Variants in ZSWIM5 observed in about 807,000 individuals in gnomAD.
ZSWIM5 encodes zinc finger SWIM domain-containing protein 5.
A neutral mutation model predicts 119.6 loss-of-function variants in ZSWIM5; 55 were observed. The observed-to-expected ratio is 0.46, with a 90% CI of 0.37 to 0.58. The LOEUF (loss-of-function observed/expected upper bound fraction) is 0.58, where lower values mean the gene tolerates loss of function less well. Among genes scored for constraint, ZSWIM5 ranks in the 20% least tolerant of loss-of-function variants. The probability of loss-of-function intolerance (pLI) is 0.00; values close to 1 mark genes in which losing one functional copy is unlikely to be tolerated. For synonymous variants in ZSWIM5, 537 were observed against 606.9 expected (o/e 0.88, Z 1.69); for missense variants, 1,193 against 1,512.8 (o/e 0.79, Z 3.51).
At chr1:45,020,541 C>G (rs896997561) in intron 12 of ZSWIM5, 84 bp downstream of exon 12, 209 of 1,495,676 alleles carry the variant, frequency 1.4e-4, no homozygotes, top group Non-Finnish European at 1.7e-4. Context: ...TTGGCCTATG[C>G]CCAGTCTCCC....
intron 1 of ZSWIM5, among the ~76,000 whole-genome samples, chr1:45,117,597 G>A (rs1312300673): frequency 6.6e-6 from 1 of 152,168 alleles, no homozygotes; most frequent in African/African-American, 2.4e-5. Flanking sequence ...GCTTGAGCCT[G>A]GGAGATTGAG....
intron 1 of ZSWIM5, among the ~76,000 whole-genome samples, chr1:45,147,024 T>C (rs1645765909): frequency 6.6e-6 from 1 of 152,106 alleles, no homozygotes; most frequent in African/African-American, 2.4e-5. Context: ...AAATGATATG[T>C]TCTGAATAAC....
At chr1:45,196,662 T>C (rs2149055643) in intron 1 of ZSWIM5, among the ~76,000 whole-genome samples, 1 of 151,726 alleles carries the variant, frequency 6.6e-6, no homozygotes, top group South Asian at 2.1e-4. Context: ...AGTGCTGGGA[T>C]TACAGACGTG....
At chr1:45,160,540 G>C (rs1040257696) in intron 1 of ZSWIM5, among the ~76,000 whole-genome samples, 3 of 151,998 alleles carry the variant, frequency 2.0e-5, no homozygotes, top group African/African-American at 7.3e-5. Context: ...CTGTCTTTCT[G>C]TGCTTGGCTT....
chr1:45,174,570 T>TAAA (rs36017471), intron 1 of ZSWIM5, among the ~76,000 whole-genome samples: 3 of 116,392 alleles, frequency 2.6e-5, no homozygotes, highest in Admixed American at 8.9e-5. Context: ...CCAACTCTAC[T>TAAA]AAAAAAAAAA....
intron 1 of ZSWIM5, among the ~76,000 whole-genome samples, chr1:45,189,951 T>C (rs1473103746): frequency 6.6e-6 from 1 of 152,182 alleles, no homozygotes; most frequent in Non-Finnish European, 1.5e-5. Context: ...CAGCCCAATG[T>C]TGACAGTAAA....
chr1:45,074,342 G>A (rs1645243597), intron 2 of ZSWIM5, among the ~76,000 whole-genome samples: 1 of 151,786 alleles, frequency 6.6e-6, no homozygotes, highest in Non-Finnish European at 1.5e-5. Flanking sequence ...GTAGAATTCA[G>A]CTGGGTCTCA....
rs115749381 is a variant in ZSWIM5 at position 45,193,512 on chromosome 1, T to G, written c.595+12244A>C. 9.7e-3 allele frequency among the ~76,000 whole-genome samples: 1,479 copies of G among 152,222 alleles called. 24 individuals are homozygous for G. Among genetic ancestry groups the G allele is most frequent in the African/African-American group, 0.034 (1,406 of 41,528 alleles). On this transcript the variant is annotated intron_variant, in intron 1 of 13. Transcript: ENST00000359600. The stretch of plus-strand genomic sequence containing the variant: ...GAAGAAGCATTTCAAGAGAAATGTA[T>G]AGTAGACTACAGAAAATTCTATACA...
chr1:45,066,450 A>C (rs1473979023), intron 2 of ZSWIM5, among the ~76,000 whole-genome samples: 2 of 152,240 alleles, frequency 1.3e-5, no homozygotes, highest in African/African-American at 4.8e-5. Flanking sequence ...GAGTCAAAGA[A>C]GGCTTCTCTG....
chr1:45,074,665 A>C (rs969798360), intron 2 of ZSWIM5, among the ~76,000 whole-genome samples: 2 of 151,834 alleles, frequency 1.3e-5, no homozygotes, highest in Non-Finnish European at 2.9e-5. Context: ...CTTTTCAAAA[A>C]ACCAACCTTT....
intron 1 of ZSWIM5, among the ~76,000 whole-genome samples, chr1:45,168,645 A>T (rs1423088462): frequency 2.7e-5 from 4 of 146,578 alleles, no homozygotes; most frequent in African/African-American, 5.0e-5. Flanking sequence ...AGCCTGGGCG[A>T]CAGAGTGAGA....
At chr1:45,061,322 A>G (rs1251806293) in intron 2 of ZSWIM5, among the ~76,000 whole-genome samples, 1 of 152,082 alleles carries the variant, frequency 6.6e-6, no homozygotes, top group Non-Finnish European at 1.5e-5. Context: ...TAACTGACAA[A>G]TAATTGTGTG....
At chr1:45,025,962 G>C (rs1644918177) in intron 11 of ZSWIM5, among the ~76,000 whole-genome samples, 1 of 152,178 alleles carries the variant, frequency 6.6e-6, no homozygotes, top group Non-Finnish European at 1.5e-5. Context: ...AAAGTGGCAA[G>C]AGGGAACATT....
intron 1 of ZSWIM5, among the ~76,000 whole-genome samples, chr1:45,090,311 G>T (rs1245027136): frequency 1.3e-5 from 2 of 152,202 alleles, no homozygotes; most frequent in Admixed American, 6.5e-5. Flanking sequence ...TCCAGGTTTG[G>T]TTAAACCCCA....
intron 1 of ZSWIM5, among the ~76,000 whole-genome samples, chr1:45,181,116 T>A (rs1039023645): frequency 2.6e-5 from 4 of 152,196 alleles, no homozygotes; most frequent in South Asian, 4.1e-4. Flanking sequence ...AAAGAAGGCT[T>A]CAGATGATCA....
intron 1 of ZSWIM5, among the ~76,000 whole-genome samples, chr1:45,090,733 G>A (rs1645359938): frequency 6.6e-6 from 1 of 152,136 alleles, no homozygotes. Flanking sequence ...TGAGGTGGGA[G>A]GAATGCTTGG....
chr1:45,159,825 G>A (rs1016998982), intron 1 of ZSWIM5, among the ~76,000 whole-genome samples: 3 of 152,182 alleles, frequency 2.0e-5, no homozygotes, highest in African/African-American at 7.2e-5. Flanking sequence ...CTGACCTCAA[G>A]TGATCTGCTC....
intron 1 of ZSWIM5, among the ~76,000 whole-genome samples, chr1:45,135,095 T>C (rs1420705151): frequency 6.6e-6 from 1 of 150,554 alleles, no homozygotes; most frequent in African/African-American, 2.4e-5. Flanking sequence ...TACTCAGAAA[T>C]GGGATTGCTA....
intron 11 of ZSWIM5, among the ~76,000 whole-genome samples, chr1:45,033,651 G>A (rs1003286428): frequency 6.6e-6 from 1 of 152,126 alleles, no homozygotes; most frequent in African/African-American, 2.4e-5. Flanking sequence ...CTCTATCTTA[G>A]TCATCACTTC....
Sources: gnomAD v4.1 joint callset for allele counts (sites outside exome capture counted in the v4.1 genomes callset) on GRCh38, gnomAD v4.1.1 for gene constraint, MANE v1.5 for transcripts, NCBI Gene and HGNC (gene_info 2026-07-23, HGNC 2026-07-21) for gene names.